Variants in ZBBX observed in about 807,000 individuals in gnomAD.
The protein encoded by ZBBX is zinc finger B-box domain-containing protein 1.
In ZBBX, 101 loss-of-function variants were observed where a neutral mutation model predicts 108.5. That is an observed-to-expected ratio of 0.93 (90% confidence interval 0.79 to 1.10). ZBBX has a LOEUF of 1.10. Ranked by LOEUF, ZBBX falls within the 50% of genes least tolerant of loss-of-function variation. The probability of loss-of-function intolerance (pLI) is 0.00; values close to 1 mark genes in which losing one functional copy is unlikely to be tolerated. For synonymous variants in ZBBX, 356 were observed against 323.4 expected, an observed-to-expected ratio of 1.10 and a Z score of -1.08; for missense variants, 1,009 against 941.4, an observed-to-expected ratio of 1.07 and a Z score of -0.94.
intron 11 of ZBBX, among the ~76,000 whole-genome samples, chr3:167,324,467 G>C (rs1737016958): frequency 6.6e-6 from 1 of 152,040 alleles, no homozygotes; most frequent in African/African-American, 2.4e-5. Flanking sequence ...GCTTAGGTCT[G>C]AGGACTTCAT....
intron 1 of ZBBX, among the ~76,000 whole-genome samples, chr3:167,386,989 A>G (rs903943410): frequency 2.6e-5 from 4 of 152,036 alleles, no homozygotes; most frequent in Non-Finnish European, 4.4e-5. Flanking sequence ...ATATTTTATA[A>G]TAACTGCCTT....
intron 20 of ZBBX, among the ~76,000 whole-genome samples, chr3:167,281,357 G>C (rs1325280567): frequency 6.6e-6 from 1 of 151,826 alleles, no homozygotes; most frequent in Admixed American, 6.6e-5. Flanking sequence ...TTCTTTTTTT[G>C]TAATTTTGTA....
At chr3:167,230,157 T>C in the ZBBX span, among the ~76,000 whole-genome samples, 8 of 151,926 alleles carry the variant, frequency 5.3e-5, no homozygotes, top group Non-Finnish European at 8.8e-5. Flanking sequence ...GTATCTACTA[T>C]ATGAAATTAT....
intron 20 of ZBBX, among the ~76,000 whole-genome samples, chr3:167,270,404 C>T (rs543728468): frequency 6.6e-6 from 1 of 152,270 alleles, no homozygotes; most frequent in African/African-American, 2.4e-5. Flanking sequence ...AAAAACCTGA[C>T]CATCTCCTGT....
chr3:167,404,492 G>C (rs1383817517), intron 1 of ZBBX, among the ~76,000 whole-genome samples: 1 of 151,482 alleles, frequency 6.6e-6, no homozygotes, highest in Non-Finnish European at 1.5e-5. Flanking sequence ...GGTGATGTCA[G>C]CTGGAGAGGT....
At chr3:167,363,711 T>G (rs1173735461) in intron 6 of ZBBX, among the ~76,000 whole-genome samples, 1 of 152,108 alleles carries the variant, frequency 6.6e-6, no homozygotes, top group East Asian at 1.9e-4. Context: ...AAGTCTTTCC[T>G]TGATTCTATT....
the ZBBX span, among the ~76,000 whole-genome samples, chr3:167,220,637 A>G: frequency 6.6e-6 from 1 of 152,010 alleles, no homozygotes; most frequent in African/African-American, 2.4e-5. Flanking sequence ...TCTATACTGA[A>G]TGAGGAAAAC....
chr3:167,402,414 A>C (rs1748453804), intron 1 of ZBBX, among the ~76,000 whole-genome samples: 1 of 152,166 alleles, frequency 6.6e-6, no homozygotes, highest in Non-Finnish European at 1.5e-5. Context: ...CCTTGGTGAA[A>C]TCTGAACAAT....
intron 20 of ZBBX, among the ~76,000 whole-genome samples, chr3:167,243,203 A>G (rs1443780549): frequency 2.6e-5 from 4 of 152,208 alleles, no homozygotes; most frequent in Non-Finnish European, 5.9e-5. Context: ...CTGCAAGTTA[A>G]ACAAACAAAG....
At chr3:167,206,962 T>C in the ZBBX span, among the ~76,000 whole-genome samples, 1 of 152,170 alleles carries the variant, frequency 6.6e-6, no homozygotes. Context: ...ATCCATCCTA[T>C]ACCACATAGA....
chr3:167,229,777 A>G, the ZBBX span, among the ~76,000 whole-genome samples: 2 of 151,854 alleles, frequency 1.3e-5, no homozygotes, highest in Non-Finnish European at 2.9e-5. Flanking sequence ...ATCAAGACTT[A>G]TTGAATATCT....
the ZBBX span, among the ~76,000 whole-genome samples, chr3:167,179,824 A>G: frequency 3.3e-5 from 5 of 152,218 alleles, no homozygotes; most frequent in African/African-American, 1.2e-4. Context: ...GGAGAATCCA[A>G]TTAGTTAATT....
chr3:167,405,761 G>A (rs758326039), intron 1 of ZBBX, among the ~76,000 whole-genome samples: 2 of 152,144 alleles, frequency 1.3e-5, no homozygotes, highest in Non-Finnish European at 2.9e-5. Flanking sequence ...AGAAGCAATA[G>A]GTACTCTCTT....
chr3:167,403,077 A>C (rs1387174152), intron 1 of ZBBX, among the ~76,000 whole-genome samples: 1 of 152,162 alleles, frequency 6.6e-6, no homozygotes, highest in African/African-American at 2.4e-5. Context: ...AAATACATAC[A>C]TCTACAAATC....
intron 18 of ZBBX, among the ~76,000 whole-genome samples, chr3:167,289,755 A>AG (rs148118148): frequency 6.6e-6 from 1 of 152,106 alleles, no homozygotes; most frequent in Admixed American, 6.5e-5. Flanking sequence ...GACAGAAGCC[A>AG]GGGGGGTGAA....
the ZBBX span, among the ~76,000 whole-genome samples, chr3:167,215,589 A>T: frequency 2.0e-5 from 3 of 152,200 alleles, no homozygotes; most frequent in Non-Finnish European, 4.4e-5. Flanking sequence ...AAAGTATTCC[A>T]ATAAATTGAA....
chr3:167,242,436 T>A lies in ZBBX; in HGVS notation c.2393+69A>T, dbSNP rs1720842650. ...ACAATCTTTCTATATATAATAAAGA[T>A]AACTAGTTGGAGCTTGTCAAAATTT... On this transcript the variant is annotated intron_variant, in intron 21 of 21. Transcript: ENST00000675490. 4 of 1,297,354 alleles carry A rather than the reference T, an allele frequency of 3.1e-6. No homozygotes were observed. In the African/African-American group the frequency reaches 4.5e-5, roughly 14 times the overall value. The allele number at this position is 1,297,354 out of a possible 1,614,324, so 80.4% of individuals were successfully genotyped here. A position where few individuals can be genotyped will look rare whatever the true frequency, so the allele number is the denominator to read the frequency against.
the ZBBX span, among the ~76,000 whole-genome samples, chr3:167,185,921 T>C: frequency 6.6e-6 from 1 of 152,118 alleles, no homozygotes; most frequent in Non-Finnish European, 1.5e-5. Flanking sequence ...ATTAGCATTA[T>C]AAAGAAGACT....
In ZBBX at chr3:167,324,277, T is replaced by A. The variant is rs189264754; in HGVS notation, c.863-2040A>T. Among the ~76,000 whole-genome samples, 100 of 152,198 alleles carry A rather than the reference T, an allele frequency of 6.6e-4. No homozygotes were observed. The East Asian group carries it at 0.016, about 24-fold the overall frequency. On this transcript the variant is annotated intron_variant, in intron 11 of 21. Transcript: ENST00000675490. The stretch of plus-strand genomic sequence containing the variant: ...GTTGACCCTCAGCCTCCCACGTAGC[T>A]AGGACTATAGGTTCACATTATCATG...
Sources: gnomAD v4.1 joint callset for allele counts (sites outside exome capture counted in the v4.1 genomes callset) on GRCh38, gnomAD v4.1.1 for gene constraint, MANE v1.5 for transcripts, NCBI Gene and HGNC (gene_info 2026-07-23, HGNC 2026-07-21) for gene names.